The following CFAP276 variants were observed in gnomAD, a reference collection of about 807,000 sequenced individuals.
CFAP276 encodes the protein cilia and flagella associated protein 276.
the CFAP276 span, among the ~76,000 whole-genome samples, chr1:109,113,415 AAAGAGAGAGAGAGAGAG>A: frequency 7.0e-5 from 8 of 113,746 alleles, no homozygotes; most frequent in Admixed American, 1.9e-4. Flanking sequence ...AGAGAGAGAG[AAAGAGAGAGAGAGAGAG>A]AGAGAGAGAG....
At chr1:109,106,565 C>A in the CFAP276 span, 3 of 1,613,988 alleles carry the variant, frequency 1.9e-6, no homozygotes, top group Non-Finnish European at 2.5e-6. Flanking sequence ...TGGATGGACT[C>A]CTTTTTAGGG....
the CFAP276 span, chr1:109,106,041 A>G: frequency 1.9e-6 from 3 of 1,613,560 alleles, no homozygotes; most frequent in Non-Finnish European, 2.5e-6. Context: ...GGTGGAGAAG[A>G]AGCCACCATC....
chr1:109,111,046 C>T, the CFAP276 span, among the ~76,000 whole-genome samples: 6 of 152,202 alleles, frequency 3.9e-5, no homozygotes, highest in African/African-American at 9.7e-5. Context: ...ATCTGTTACT[C>T]TTCCTCCTGG....
the CFAP276 span, chr1:109,107,894 G>C: frequency 6.5e-7 from 1 of 1,533,424 alleles, no homozygotes; most frequent in East Asian, 2.2e-5. Flanking sequence ...CGGCTGCAAA[G>C]AGGAATAATA....
At chr1:109,113,450 GAGAGAGAGAGA>G in the CFAP276 span, among the ~76,000 whole-genome samples, 1 of 145,038 alleles carries the variant, frequency 6.9e-6, no homozygotes, top group African/African-American at 2.5e-5. Context: ...GAGAGAGAGA[GAGAGAGAGAGA>G]GAGAGAGGCC....
At chr1:109,105,990 G>A in the CFAP276 span, 1 of 1,535,740 alleles carries the variant, frequency 6.5e-7, no homozygotes, top group Non-Finnish European at 9.0e-7. Flanking sequence ...GTGGGCCGCA[G>A]TATGTTTCAC....
the CFAP276 span, chr1:109,113,540 C>G: frequency 7.4e-7 from 1 of 1,350,702 alleles, no homozygotes; most frequent in South Asian, 1.2e-5. Flanking sequence ...ACTACAGTGT[C>G]AGGGCTTCTC....
At chr1:109,113,544 G>T in the CFAP276 span, 1 of 1,383,884 alleles carries the variant, frequency 7.2e-7, no homozygotes, top group Non-Finnish European at 1.0e-6. Flanking sequence ...CAGTGTCAGG[G>T]CTTCTCTTCT....
the CFAP276 span, chr1:109,113,638 C>G: frequency 6.2e-7 from 1 of 1,613,996 alleles, no homozygotes; most frequent in Non-Finnish European, 8.5e-7. Flanking sequence ...CGTACTGGGG[C>G]CTCTTCCAGG....
the CFAP276 span, among the ~76,000 whole-genome samples, chr1:109,109,559 C>CA: frequency 9.4e-6 from 1 of 106,700 alleles, no homozygotes; most frequent in African/African-American, 3.8e-5. Context: ...TTTTTTGAGA[C>CA]AGAGTCTCGC....
the CFAP276 span, among the ~76,000 whole-genome samples, chr1:109,111,711 T>C: frequency 6.6e-6 from 1 of 152,212 alleles, no homozygotes; most frequent in Non-Finnish European, 1.5e-5. Flanking sequence ...GCCTTGCATA[T>C]CTGGTTCCTG....
the CFAP276 span, chr1:109,108,105 C>T: frequency 9.1e-7 from 1 of 1,102,286 alleles, no homozygotes; most frequent in South Asian, 1.2e-5. Context: ...TGGTTAGCTT[C>T]AGTAGCATCC....
chr1:109,108,211 C>T, the CFAP276 span, among the ~76,000 whole-genome samples: 321 of 152,166 alleles, frequency 2.1e-3, no homozygotes, highest in Middle Eastern at 0.034. Context: ...GGCGAGATCT[C>T]GGCTCACTGC....
the CFAP276 span, chr1:109,108,025 TATATGGCAA>T: frequency 6.2e-7 from 1 of 1,604,260 alleles, no homozygotes; most frequent in Non-Finnish European, 8.5e-7. Context: ...GTTGGGTTCT[TATATGGCAA>T]TTTCTGCAAA....
At chr1:109,106,387 T>C in the CFAP276 span, 1 of 1,054,358 alleles carries the variant, frequency 9.5e-7, no homozygotes, top group African/African-American at 1.6e-5. Flanking sequence ...ATTAATCTGG[T>C]ACTTGCCAAC....
At chr1:109,112,755 C>G in the CFAP276 span, 2 of 1,529,692 alleles carry the variant, frequency 1.3e-6, no homozygotes, top group East Asian at 2.5e-5. Context: ...CATAAGATCC[C>G]GGGTCCCAAT....
At chr1:109,106,811 G>A in the CFAP276 span, 51 of 977,614 alleles carry the variant, frequency 5.2e-5, no homozygotes, top group Non-Finnish European at 7.1e-5. Context: ...TTATACAGAT[G>A]AGCACAATCT....
At chr1:109,107,137 C>T in the CFAP276 span, 17 of 1,602,948 alleles carry the variant, frequency 1.1e-5, no homozygotes, top group Middle Eastern at 1.7e-4. Context: ...AGAAGTCAGT[C>T]CCCCCCAAGG....
chr1:109,111,549 G>A, the CFAP276 span, among the ~76,000 whole-genome samples: 7 of 151,728 alleles, frequency 4.6e-5, no homozygotes, highest in Non-Finnish European at 8.8e-5. Context: ...GGTGTACACA[G>A]CACACCCAGC....
Sources: gnomAD v4.1 joint callset for allele counts (sites outside exome capture counted in the v4.1 genomes callset) on GRCh38, gnomAD v4.1.1 for gene constraint, MANE v1.5 for transcripts, NCBI Gene and HGNC (gene_info 2026-07-23, HGNC 2026-07-21) for gene names.